Variants in PRSS55 observed in about 807,000 individuals in gnomAD.
The protein encoded by PRSS55 is serine protease 55, also known as probable serine protease UNQ9391/PRO34284.
PRSS55 carries 41 observed loss-of-function variants against 23.6 expected under a neutral mutation model. That is an observed-to-expected ratio of 1.74 (90% CI 1.35 to 2.26). PRSS55 has a LOEUF of 2.26. Among genes scored for constraint, PRSS55 ranks in the 30% most tolerant of loss-of-function variants. The pLI, the probability that PRSS55 is intolerant of heterozygous loss-of-function variation, is 0.00. For missense variants in PRSS55, 669 were observed against 439.1 expected, an observed-to-expected ratio of 1.52 and a Z score of -4.68; for synonymous variants, 262 against 175.5, an observed-to-expected ratio of 1.49 and a Z score of -3.90.
chr8:10,526,517 G>A (rs1208239993), intron 1 of PRSS55, among the ~76,000 whole-genome samples: 1 of 152,230 alleles, frequency 6.6e-6, no homozygotes, highest in African/African-American at 2.4e-5. Context: ...GAGGCATGAG[G>A]GGAGAGCATC....
downstream of PRSS55, among the ~76,000 whole-genome samples, chr8:10,539,325 A>G (rs1010602110): frequency 6.6e-6 from 1 of 152,168 alleles, no homozygotes; most frequent in Non-Finnish European, 1.5e-5. Flanking sequence ...TTAAATGTCA[A>G]TCTCATCCAA....
intron 4 of PRSS55, among the ~76,000 whole-genome samples, chr8:10,553,476 A>G (rs1351071297): frequency 6.6e-6 from 1 of 152,260 alleles, no homozygotes; most frequent in East Asian, 1.9e-4. Flanking sequence ...TTAAACAAGA[A>G]GGAAATTCTG....
chr8:10,547,931 G>T (rs888694596), intron 4 of PRSS55, among the ~76,000 whole-genome samples: 1 of 151,510 alleles, frequency 6.6e-6, no homozygotes, highest in African/African-American at 2.4e-5. Flanking sequence ...TACTGAACAT[G>T]ACTGGTGGAG....
chr8:10,542,419 G>GGAAA (rs60800512), downstream of PRSS55, among the ~76,000 whole-genome samples: 5 of 133,502 alleles, frequency 3.7e-5, no homozygotes, highest in African/African-American at 1.5e-4. Flanking sequence ...CCATGCGGGG[G>GGAAA]AAAAAAAAAA....
At chr8:10,533,435 A>G (rs1812343740) in intron 4 of PRSS55, among the ~76,000 whole-genome samples, 1 of 152,196 alleles carries the variant, frequency 6.6e-6, no homozygotes, top group Non-Finnish European at 1.5e-5. Context: ...AGACCCATAA[A>G]TGAGATATGG....
rs537606280 is a variant in PRSS55, at chr8:10,545,725, T to C, written c.742-8218T>C. On this transcript the variant is annotated intron_variant, in intron 4 of 4. Transcript: ENST00000522210. Reference sequence around the variant, plus strand: ...CGTAAATCATCGTTTGAATTGAGACTGTAGAGACATGTGTTATTCATTGTC... The same window carrying C: ...CGTAAATCATCGTTTGAATTGAGACCGTAGAGACATGTGTTATTCATTGTC... Among the ~76,000 whole-genome samples the C allele has an allele frequency of 3.3e-5, 5 of 152,324 alleles. No homozygotes were observed. The East Asian group carries it at 5.8e-4, about 18-fold the overall frequency.
At chr8:10,536,907 T>A (rs1453845348) in intron 4 of PRSS55, among the ~76,000 whole-genome samples, 2 of 152,226 alleles carry the variant, frequency 1.3e-5, no homozygotes, top group Non-Finnish European at 2.9e-5. Flanking sequence ...AGTTTTTTAC[T>A]ACCCATCAGA....
chr8:10,537,067 G>A (rs761859708), intron 4 of PRSS55, among the ~76,000 whole-genome samples: 6 of 152,172 alleles, frequency 3.9e-5, no homozygotes, highest in Non-Finnish European at 8.8e-5. Context: ...TTACAGGATG[G>A]AGGGTACTAA....
At chr8:10,546,282 C>G (rs1812815472) in intron 4 of PRSS55, among the ~76,000 whole-genome samples, 1 of 152,172 alleles carries the variant, frequency 6.6e-6, no homozygotes. Context: ...ATGAGCAAAG[C>G]CTGCCATACA....
At chr8:10,544,939 G>A (rs549408379) in intron 4 of PRSS55, 3 of 789,804 alleles carry the variant, frequency 3.8e-6, no homozygotes, top group East Asian at 1.3e-4. Flanking sequence ...GATAAAGTAT[G>A]TATTTATAGA....
At chr8:10,547,451 G>C (rs1240066519) in intron 4 of PRSS55, 1 of 152,398 alleles carries the variant, frequency 6.6e-6, no homozygotes, top group African/African-American at 2.4e-5. Context: ...TCCAGAGGTG[G>C]ACCCCACCGT....
chr8:10,538,389 A>G (rs1368564585), intron 4 of PRSS55, 87 bp from the exon 5 acceptor site: 2 of 1,061,268 alleles, frequency 1.9e-6, no homozygotes, highest in Non-Finnish European at 2.8e-6. Context: ...GGGGAGGCTG[A>G]GGAATCTTCC....
At chr8:10,550,183 A>G (rs1341116643) in intron 4 of PRSS55, among the ~76,000 whole-genome samples, 5 of 152,184 alleles carry the variant, frequency 3.3e-5, no homozygotes. Context: ...TCGGCTTCCC[A>G]AAGTGCTGGG....
chr8:10,538,616 G>A lies in PRSS55; in HGVS notation c.882G>A (p.Trp294Ter), dbSNP rs1254613922. The stretch of plus-strand genomic sequence containing the variant: ...CCTCGTTGGTGAACTACAACCTCTG[G>A]ATCGAGAAAGTGACCCAGCTAGAGG... ...IYTSLVNYNL[W>*]IEKVTQLEGR... Residue 294 changes from tryptophan (W) to a stop codon, truncating the protein, a stop_gained, in exon 5 of 5, where the codon TGG becomes TGA. Transcript: ENST00000328655. LOFTEE classifies it low-confidence loss of function (END_TRUNC). The A allele has an allele frequency of 6.2e-7, 1 of 1,614,116 alleles. No individual in the cohort carries two copies. Among genetic ancestry groups the A allele is most frequent in the Non-Finnish European group, 8.5e-7 (1 of 1,180,016 alleles).
intron 4 of PRSS55, among the ~76,000 whole-genome samples, chr8:10,547,241 C>T (rs537644714): frequency 9.2e-5 from 14 of 152,198 alleles, no homozygotes; most frequent in Non-Finnish European, 2.1e-4. Flanking sequence ...GCGTAGTGGT[C>T]CAGGCGTGCG....
chr8:10,540,938 C>G (rs986851425), downstream of PRSS55: 1 of 152,794 alleles, frequency 6.5e-6, no homozygotes, highest in Non-Finnish European at 1.5e-5. Context: ...CGCCCTCTGA[C>G]TTCTGTGTGG....
At position 10,532,891 on chromosome 8, in the gene PRSS55, T is replaced by C; in HGVS notation, c.599-15T>C. On this transcript the variant is annotated splice_polypyrimidine_tract_variant and intron_variant, in intron 3 of 4. Transcript: ENST00000328655. ...GGCCCAGTGGCTTCTCTAATGCGCT[T>C]TCTCTCTGGGCCAGCTGACAAAAAC... 1 of 1,614,172 alleles carries C rather than the reference T, an allele frequency of 6.2e-7. No individual in the cohort carries two copies. The highest frequency in any genetic ancestry group is 1.3e-5 in the African/African-American group (1 of 75,044).
intron 4 of PRSS55, among the ~76,000 whole-genome samples, chr8:10,546,119 G>C (rs1283655931): frequency 6.6e-6 from 1 of 152,150 alleles, no homozygotes; most frequent in Non-Finnish European, 1.5e-5. Context: ...AGGCTCCCCT[G>C]AGCTGAGCCA....
chr8:10,553,003 G>C (rs1364580377), intron 4 of PRSS55, among the ~76,000 whole-genome samples: 1 of 152,250 alleles, frequency 6.6e-6, no homozygotes, highest in Admixed American at 6.5e-5. Flanking sequence ...CAAGACATGA[G>C]ATGTGGTTTA....
Sources: allele counts gnomAD v4.1 joint callset (sites outside exome capture counted in the v4.1 genomes callset), GRCh38; gene constraint gnomAD v4.1.1; transcripts MANE v1.5; gene names NCBI Gene and HGNC (gene_info 2026-07-23, HGNC 2026-07-21).